UGT2B7: variants seen among roughly 807,000 people sequenced by gnomAD.
The protein encoded by UGT2B7 is UDP glucuronosyltransferase family 2 member B7.
UGT2B7 carries 51 observed loss-of-function variants against 51.9 expected under a neutral mutation model. The observed-to-expected ratio is 0.98, with a 90% CI of 0.78 to 1.24. The LOEUF (loss-of-function observed/expected upper bound fraction) is 1.24, where lower values mean the gene tolerates loss of function less well. UGT2B7 is among the 50% of genes most tolerant of loss of function. UGT2B7 has a pLI of 0.00. For missense variants in UGT2B7, 727 were observed against 628.4 expected (o/e 1.16, Z -1.68); for synonymous variants, 225 against 211.6 (o/e 1.06, Z -0.55).
chr4:69,077,504 C>T (rs1339072950), intron 1 of UGT2B7, among the ~76,000 whole-genome samples: 1 of 150,928 alleles, frequency 6.6e-6, no homozygotes, highest in African/African-American at 2.4e-5. Flanking sequence ...ATTCACATCC[C>T]TTGTAAGTTG....
intron 2 of UGT2B7, among the ~76,000 whole-genome samples, chr4:69,090,185 A>G (rs1165198188): frequency 6.6e-6 from 1 of 152,188 alleles, no homozygotes; most frequent in Non-Finnish European, 1.5e-5. Context: ...TTGCAATTCT[A>G]GATTTCCACT....
intron 1 of UGT2B7, among the ~76,000 whole-genome samples, chr4:69,086,531 T>C (rs1402653994): frequency 2.0e-5 from 3 of 151,916 alleles, no homozygotes; most frequent in Non-Finnish European, 4.4e-5. Context: ...GGTTTTTTCA[T>C]TGATTTTCTG....
At chr4:69,069,656 TA>T (rs1015794641) in intron 1 of UGT2B7, 1 of 144,862 alleles carries the variant, frequency 6.9e-6, no homozygotes, top group African/African-American at 2.6e-5. Flanking sequence ...AAAAAAAATG[TA>T]ATGTAGTTAT....
chr4:69,059,446 A>T (rs1211399506), intron 1 of UGT2B7, among the ~76,000 whole-genome samples: 1 of 152,184 alleles, frequency 6.6e-6, no homozygotes, highest in Non-Finnish European at 1.5e-5. Flanking sequence ...TGTAACTTTA[A>T]ATCTACCTCA....
chr4:69,058,926 A>G (rs1718278385), intron 1 of UGT2B7, among the ~76,000 whole-genome samples: 1 of 152,150 alleles, frequency 6.6e-6, no homozygotes, highest in Non-Finnish European at 1.5e-5. Context: ...CCCAGGTTGG[A>G]AAGAGATCAG....
chr4:69,090,012 AC>A (rs1719050166), intron 2 of UGT2B7, among the ~76,000 whole-genome samples: 1 of 152,214 alleles, frequency 6.6e-6, no homozygotes. Flanking sequence ...AATATCCTCA[AC>A]ATATTTGATT....
intron 1 of UGT2B7, among the ~76,000 whole-genome samples, chr4:69,081,592 C>T (rs114578488): frequency 6.6e-6 from 1 of 152,120 alleles, no homozygotes; most frequent in Admixed American, 6.6e-5. Flanking sequence ...ATACAATTTA[C>T]TCAAAAATTC....
chr4:69,104,721 TG>T (rs1719542294), intron 3 of UGT2B7, among the ~76,000 whole-genome samples: 1 of 152,200 alleles, frequency 6.6e-6, no homozygotes, highest in Admixed American at 6.5e-5. Context: ...ATTCTGCCCC[TG>T]TCATTTGACC....
chr4:69,110,947 C>T (rs1719754680), intron 5 of UGT2B7, among the ~76,000 whole-genome samples: 4 of 151,960 alleles, frequency 2.6e-5, no homozygotes, highest in Admixed American at 2.6e-4. Flanking sequence ...TTCTAGGACT[C>T]AAATAGCAAA....
chr4:69,104,048 G>A (rs762628908), intron 3 of UGT2B7, among the ~76,000 whole-genome samples: 15 of 152,032 alleles, frequency 9.9e-5, no homozygotes, highest in Admixed American at 3.9e-4. Context: ...CAGTATTTTC[G>A]GAGGCCGAGG....
intron 1 of UGT2B7, among the ~76,000 whole-genome samples, chr4:69,064,952 G>A (rs1321431721): frequency 6.6e-6 from 1 of 152,060 alleles, no homozygotes; most frequent in East Asian, 1.9e-4. Context: ...TATGATAGTG[G>A]TGGCAGGTAA....
At position 69,096,871 on chromosome 4, in the gene UGT2B7, A is replaced by T. The variant is rs57811242; in HGVS notation, c.351A>T (p.Ser117=). ...TTTCACAAGTACAGGAAATCATGTC[A>T]ATATTTGGTGACATAACTAGAAAGT... ...LYFSQVQEIM[S]IFGDITRKFC... The change falls in exon 1 of 6, where the codon TCA becomes TCT. Residue 117 remains serine (S), a synonymous_variant. Coordinates refer to ENST00000305231, the MANE Select transcript of UGT2B7 (RefSeq NM_001074.4). 156 of 1,613,464 alleles carry T rather than the reference A, an allele frequency of 9.7e-5. No homozygotes were observed. The African/African-American group carries it at 1.8e-3, about 19-fold the overall frequency.
chr4:69,059,097 G>A (rs1718282617), intron 1 of UGT2B7, among the ~76,000 whole-genome samples: 1 of 152,228 alleles, frequency 6.6e-6, no homozygotes, highest in Non-Finnish European at 1.5e-5. Context: ...GGGGCTGAAG[G>A]ATATGAGGAC....
chr4:69,099,708 C>T (rs1719364529), intron 2 of UGT2B7, among the ~76,000 whole-genome samples: 1 of 151,980 alleles, frequency 6.6e-6, no homozygotes, highest in Non-Finnish European at 1.5e-5. Flanking sequence ...TAGTCAGTGA[C>T]TCAGAAATAT....
At chr4:69,102,400 G>T (rs778233619) in intron 2 of UGT2B7, among the ~76,000 whole-genome samples, 1 of 152,022 alleles carries the variant, frequency 6.6e-6, no homozygotes, top group South Asian at 2.1e-4. Flanking sequence ...AAACACAAGG[G>T]ATTTAGTAGA....
At chr4:69,077,133 G>T (rs557581056) in intron 1 of UGT2B7, among the ~76,000 whole-genome samples, 1 of 152,006 alleles carries the variant, frequency 6.6e-6, no homozygotes, top group African/African-American at 2.4e-5. Flanking sequence ...CTGTTCCATT[G>T]GTCTATATAT....
In UGT2B7 at chr4:69,105,426, A is replaced by G. The variant is rs530945569; in HGVS notation, c.1003-1749A>G. Among the ~76,000 whole-genome samples, 5 of 152,350 alleles carry G rather than the reference A, an allele frequency of 3.3e-5. No homozygotes were observed. In the South Asian group the frequency reaches 1.0e-3, roughly 32 times the overall value. On this transcript the variant is annotated intron_variant, in intron 3 of 5. Transcript: ENST00000305231. ...CACTGATGTAGCAAATAAAAGTTAA[A>G]CACTGTAAATTATTGTTTAGTTTAT...
At chr4:69,062,949 G>C (rs1388390864) in intron 1 of UGT2B7, among the ~76,000 whole-genome samples, 1 of 152,098 alleles carries the variant, frequency 6.6e-6, no homozygotes, top group Non-Finnish European at 1.5e-5. Context: ...GAATGCTACT[G>C]TTTGCTTTGT....
intron 3 of UGT2B7, among the ~76,000 whole-genome samples, chr4:69,106,561 C>A (rs1342775404): frequency 6.6e-6 from 1 of 152,046 alleles, no homozygotes; most frequent in African/African-American, 2.4e-5. Context: ...GCAATTAATA[C>A]ACCTGTGCAT....
Sources: gnomAD v4.1 joint callset for allele counts (sites outside exome capture counted in the v4.1 genomes callset) on GRCh38, gnomAD v4.1.1 for gene constraint, MANE v1.5 for transcripts, NCBI Gene and HGNC (gene_info 2026-07-23, HGNC 2026-07-21) for gene names.